The following ESRRB variants were observed in gnomAD, a reference collection of about 807,000 sequenced individuals.
The protein encoded by ESRRB is steroid hormone receptor ERR2.
A neutral mutation model predicts 46.0 loss-of-function variants in ESRRB; 16 were observed. The ratio of observed to expected loss-of-function variants is 0.35; its 90% confidence interval spans 0.24 to 0.53. ESRRB has a LOEUF of 0.53. ESRRB is among the 20% of genes least tolerant of loss of function. ESRRB has a pLI of 0.93. For synonymous variants in ESRRB, 246 were observed against 259.6 expected, an observed-to-expected ratio of 0.95 and a Z score of 0.50; for missense variants, 488 against 607.4, an observed-to-expected ratio of 0.80 and a Z score of 2.07.
At chr14:76,321,558 T>C (rs1198109103) in intron 1 of ESRRB, among the ~76,000 whole-genome samples, 1 of 152,240 alleles carries the variant, frequency 6.6e-6, no homozygotes. Flanking sequence ...TACCTAATCA[T>C]GACATTTCCC....
intron 2 of ESRRB, among the ~76,000 whole-genome samples, chr14:76,446,391 T>C (rs1170166736): frequency 2.0e-5 from 3 of 152,086 alleles, no homozygotes; most frequent in Non-Finnish European, 4.4e-5. Flanking sequence ...TGTTTTGTTT[T>C]TGTTTTTGTC....
intron 1 of ESRRB, among the ~76,000 whole-genome samples, chr14:76,346,756 C>A (rs1884255408): frequency 6.6e-6 from 1 of 152,236 alleles, no homozygotes. Context: ...CCCAGCCAAG[C>A]CAAGCCAGAG....
Position 76,332,890 on chromosome 14 carries a change from A to ATTTT in ESRRB, c.2+21977_2+21978insTTTT, listed in dbSNP as rs1566853545. Among the ~76,000 whole-genome samples, 284 of 36,322 alleles carry ATTTT rather than the reference A, an allele frequency of 7.8e-3. 10 individuals carry two copies. The highest frequency in any genetic ancestry group is 0.042 in the Middle Eastern group (1 of 24). The allele number at this position is 36,322 out of a possible 152,430, so 23.8% of individuals were successfully genotyped here. ...TAATATATTTTTTTATATATTATAT[A>ATTTT]TTTATATATTATATACTTATATATT... On this transcript the variant is annotated intron_variant, in intron 1 of 6. Transcript: ENST00000512784.
intron 2 of ESRRB, among the ~76,000 whole-genome samples, chr14:76,443,259 A>G (rs1887995700): frequency 6.6e-6 from 1 of 152,184 alleles, no homozygotes; most frequent in Non-Finnish European, 1.5e-5. Context: ...CCCCTTTACC[A>G]TCTTTGTCAA....
chr14:76,493,882 G>A (rs1205443075), intron 6 of ESRRB, among the ~76,000 whole-genome samples: 2 of 152,252 alleles, frequency 1.3e-5, no homozygotes, highest in Non-Finnish European at 2.9e-5. Flanking sequence ...CTTGCCCAGA[G>A]GGTTATGTGG....
intron 2 of ESRRB, among the ~76,000 whole-genome samples, chr14:76,444,146 G>C (rs1158900836): frequency 6.6e-6 from 1 of 151,572 alleles, no homozygotes; most frequent in Non-Finnish European, 1.5e-5. Context: ...CCACCTCCCA[G>C]CTCAGCTTCC....
chr14:76,386,791 G>A (rs957165964), intron 1 of ESRRB, among the ~76,000 whole-genome samples: 1 of 152,102 alleles, frequency 6.6e-6, no homozygotes, highest in Admixed American at 6.5e-5. Flanking sequence ...ATGGCAGTGG[G>A]TAAGTTCCCT....
upstream of ESRRB, among the ~76,000 whole-genome samples, chr14:76,369,060 G>C (rs79661745): frequency 1.1e-4 from 17 of 151,592 alleles, no homozygotes; most frequent in African/African-American, 4.1e-4. Flanking sequence ...AGCTGGGTGC[G>C]GTGGTGCGTC....
At chr14:76,493,205 C>T (rs1010914567) in intron 6 of ESRRB, among the ~76,000 whole-genome samples, 4 of 152,076 alleles carry the variant, frequency 2.6e-5, no homozygotes, top group South Asian at 2.1e-4. Context: ...CCTGGGCTGG[C>T]GTGCAGCGAT....
Position 76,491,557 on chromosome 14 carries a change from G to A in ESRRB, c.961G>A (p.Val321Met), listed in dbSNP as rs1423603484. 3 of 1,593,170 alleles carry A rather than the reference G, an allele frequency of 1.9e-6. No homozygotes were observed. The highest frequency in any genetic ancestry group is 2.7e-5 in the African/African-American group (2 of 74,948). Reference protein sequence around the residue: ...YRSLPYDDKLVYAEDYIMDEE... With the variant: ...YRSLPYDDKLMYAEDYIMDEE... ...CTCGCTGCCCTATGACGACAAGCTG[G>A]TGTACGCTGAGGACTACATCATGGA... Residue 321 changes from valine (V) to methionine (M), a missense_variant, in exon 6 of 7, where the codon GTG (valine) becomes ATG (methionine). Val to Met is a conservative substitution (Grantham distance 21). Coordinates refer to ENST00000644823, the MANE Select transcript of ESRRB (RefSeq NM_001379180.1).
chr14:76,497,433 C>T (rs2140061500), intron 6 of ESRRB, among the ~76,000 whole-genome samples: 1 of 152,268 alleles, frequency 6.6e-6, no homozygotes, highest in East Asian at 1.9e-4. Flanking sequence ...CCGGCTTAGA[C>T]CCAGCTGTAA....
At chr14:76,314,807 T>G (rs1413728910) in intron 1 of ESRRB, among the ~76,000 whole-genome samples, 1 of 151,770 alleles carries the variant, frequency 6.6e-6, no homozygotes, top group Admixed American at 6.6e-5. Context: ...CTCTCTCCCC[T>G]CCTACTCCAG....
At chr14:76,466,055 C>G (rs893737443) in intron 3 of ESRRB, among the ~76,000 whole-genome samples, 1 of 152,168 alleles carries the variant, frequency 6.6e-6, no homozygotes, top group African/African-American at 2.4e-5. Flanking sequence ...AAGGCCCAGG[C>G]CCCCCAAGAC....
chr14:76,333,104 A>T (rs868738153), intron 1 of ESRRB, among the ~76,000 whole-genome samples: 403 of 4,444 alleles, frequency 0.091, 121 homozygotes, highest in Non-Finnish European at 0.13. Flanking sequence ...TATTATATAT[A>T]ATATATAATA....
At chr14:76,369,280 G>GTTT (rs201369005), upstream of ESRRB, among the ~76,000 whole-genome samples, 89 of 143,754 alleles carry the variant, frequency 6.2e-4, no homozygotes, top group Non-Finnish European at 1.0e-3. Context: ...TTTCTTTGAG[G>GTTT]TTTTTTTTTT....
intron 1 of ESRRB, among the ~76,000 whole-genome samples, chr14:76,412,112 G>A (rs1886469393): frequency 6.6e-6 from 1 of 152,140 alleles, no homozygotes; most frequent in Admixed American, 6.6e-5. Context: ...TTGAGAACCT[G>A]CTGTTTACCT....
At chr14:76,402,367 G>C (rs914159623) in intron 1 of ESRRB, among the ~76,000 whole-genome samples, 46 of 152,186 alleles carry the variant, frequency 3.0e-4, no homozygotes, top group African/African-American at 1.1e-3. Flanking sequence ...GTGTAGTAAA[G>C]GTTCTGAGAA....
intron 1 of ESRRB, among the ~76,000 whole-genome samples, chr14:76,337,835 G>A (rs926194805): frequency 3.3e-5 from 5 of 152,206 alleles, no homozygotes; most frequent in Admixed American, 6.5e-5. Context: ...ACGGCCTCAG[G>A]TAGGAGTCCC....
At chr14:76,377,105 C>A (rs1035215408) in intron 1 of ESRRB, among the ~76,000 whole-genome samples, 1 of 152,274 alleles carries the variant, frequency 6.6e-6, no homozygotes, top group South Asian at 2.1e-4. Flanking sequence ...CTGTGACCAG[C>A]GGAACAGAAG....
Sources: allele counts gnomAD v4.1 joint callset (sites outside exome capture counted in the v4.1 genomes callset), GRCh38; gene constraint gnomAD v4.1.1; transcripts MANE v1.5; gene names NCBI Gene and HGNC (gene_info 2026-07-23, HGNC 2026-07-21).